SMAP1: variants seen among roughly 807,000 people sequenced by gnomAD.
The protein encoded by SMAP1 is stromal membrane-associated protein 1.
A neutral mutation model predicts 58.5 loss-of-function variants in SMAP1; 24 were observed. That is an observed-to-expected ratio of 0.41 (90% CI 0.30 to 0.58). The LOEUF (loss-of-function observed/expected upper bound fraction) is 0.58, where lower values mean the gene tolerates loss of function less well. Ranked by LOEUF, SMAP1 falls within the 20% of genes least tolerant of loss-of-function variation. SMAP1 has a pLI of 0.29. For missense variants in SMAP1, 563 were observed against 566.3 expected, an observed-to-expected ratio of 0.99 and a Z score of 0.06; for synonymous variants, 216 against 196.6, an observed-to-expected ratio of 1.10 and a Z score of -0.82.
chr6:70,833,695 A>T (rs1237899596), intron 6 of SMAP1, among the ~76,000 whole-genome samples: 1 of 152,216 alleles, frequency 6.6e-6, no homozygotes, highest in African/African-American at 2.4e-5. Context: ...TTGTGCTCAC[A>T]TGTGTGTGCA....
chr6:70,708,233 C>A (rs1438691540), intron 1 of SMAP1, among the ~76,000 whole-genome samples: 1 of 152,114 alleles, frequency 6.6e-6, no homozygotes, highest in Non-Finnish European at 1.5e-5. Flanking sequence ...CTTTCTATAT[C>A]TGGCTTATTT....
At chr6:70,857,808 G>C (rs952601727) in intron 9 of SMAP1, 114 bp from the exon 10 acceptor site, 22 of 1,188,162 alleles carry the variant, frequency 1.9e-5, no homozygotes, top group East Asian at 7.4e-5. Context: ...AGCCAAACTG[G>C]AATTAAAATG....
intron 1 of SMAP1, among the ~76,000 whole-genome samples, chr6:70,693,298 CTTTTTTTTT>C (rs55693339): frequency 9.1e-6 from 1 of 109,640 alleles, no homozygotes; most frequent in Non-Finnish European, 1.8e-5. Flanking sequence ...ATGTCATCTT[CTTTTTTTTT>C]TTTTTTTTTT....
At chr6:70,770,981 G>A (rs986504323) in intron 3 of SMAP1, among the ~76,000 whole-genome samples, 3 of 152,200 alleles carry the variant, frequency 2.0e-5, no homozygotes, top group Admixed American at 6.5e-5. Context: ...AGGACCCTCA[G>A]CTTCAGGTCT....
chr6:70,710,043 C>G (rs545153146), intron 1 of SMAP1, among the ~76,000 whole-genome samples: 8 of 152,196 alleles, frequency 5.3e-5, no homozygotes, highest in African/African-American at 1.7e-4. Context: ...AACTAGCTGT[C>G]TCTGTGTCTA....
In SMAP1 at chr6:70,860,431, T is replaced by G. The variant is rs1310113226; in HGVS notation, c.*97T>G. 3 of 1,414,056 alleles carry G rather than the reference T, an allele frequency of 2.1e-6. No individual in the cohort carries two copies. The highest frequency in any genetic ancestry group is 2.9e-5 in the African/African-American group (2 of 69,402). 87.6% of individuals were successfully genotyped at this position (1,414,056 alleles called of 1,614,324 possible). On this transcript the variant is annotated 3_prime_UTR_variant, in exon 11 of 11. Coordinates refer to ENST00000370455, the MANE Select transcript of SMAP1 (RefSeq NM_001044305.3). Reference sequence around the variant, plus strand: ...TTATTCATATGCATATTTTTTTTCTTTTTACCCATTTGTTCATATTAAGAA... The same window carrying G: ...TTATTCATATGCATATTTTTTTTCTGTTTACCCATTTGTTCATATTAAGAA...
At chr6:70,715,788 A>G (rs566549838) in intron 1 of SMAP1, among the ~76,000 whole-genome samples, 57 of 152,260 alleles carry the variant, frequency 3.7e-4, no homozygotes, top group African/African-American at 1.3e-3. Context: ...GTATTTGGTT[A>G]CATGAGTAAG....
At chr6:70,669,151 G>A (rs372578529) in intron 1 of SMAP1, among the ~76,000 whole-genome samples, 13 of 152,178 alleles carry the variant, frequency 8.5e-5, no homozygotes, top group African/African-American at 3.1e-4. Context: ...GTTAAGAAAA[G>A]ATCGTGTATA....
At chr6:70,833,714 AAAC>A (rs996032488) in intron 6 of SMAP1, among the ~76,000 whole-genome samples, 5 of 152,210 alleles carry the variant, frequency 3.3e-5, no homozygotes, top group African/African-American at 9.6e-5. Context: ...CAAATGTGCA[AAAC>A]AACAATCTGG....
At chr6:70,754,621 A>G (rs1005455771) in intron 2 of SMAP1, among the ~76,000 whole-genome samples, 1 of 152,194 alleles carries the variant, frequency 6.6e-6, no homozygotes, top group African/African-American at 2.4e-5. Context: ...AGCCCTGGAA[A>G]CGGGAGCATT....
At chr6:70,857,877 A>G in intron 9 of SMAP1, 45 bp from the exon 10 acceptor site, 1 of 1,584,292 alleles carries the variant, frequency 6.3e-7, no homozygotes, top group Non-Finnish European at 8.6e-7. Flanking sequence ...GAGTGCAACT[A>G]CACGTGATAG....
rs1767196360 is a variant in SMAP1 at position 70,769,907 on chromosome 6, T to G, written c.339-3443T>G. The stretch of plus-strand genomic sequence containing the variant: ...GGCTGGTACCGGTTGTTCCTTTCCA[T>G]GTTTAGTGCTTCCTTCAGGAGCTCT... On this transcript the variant is annotated intron_variant, in intron 3 of 10. Coordinates refer to ENST00000370455, the MANE Select transcript of SMAP1 (RefSeq NM_001044305.3). Among the ~76,000 whole-genome samples the G allele has an allele frequency of 2.0e-5, 3 of 151,936 alleles. No individual in the cohort carries two copies. In the South Asian group the frequency reaches 6.2e-4, roughly 32 times the overall value.
At chr6:70,779,896 A>C (rs1215842031) in intron 4 of SMAP1, among the ~76,000 whole-genome samples, 1 of 152,218 alleles carries the variant, frequency 6.6e-6, no homozygotes, top group African/African-American at 2.4e-5. Context: ...GTTTGACTGC[A>C]CAGAGACCAT....
intron 1 of SMAP1, among the ~76,000 whole-genome samples, chr6:70,707,112 C>T (rs1200168476): frequency 1.3e-5 from 2 of 151,962 alleles, no homozygotes; most frequent in Admixed American, 6.6e-5. Flanking sequence ...TAGTTTTATA[C>T]TATTAGAGTA....
intron 1 of SMAP1, among the ~76,000 whole-genome samples, chr6:70,683,165 CTTT>C (rs112629325): frequency 1.7e-5 from 2 of 114,538 alleles, no homozygotes; most frequent in East Asian, 2.4e-4. Context: ...TAAGATTTAA[CTTT>C]TTTTTTTTTT....
At chr6:70,741,512 A>G (rs943745370) in intron 2 of SMAP1, among the ~76,000 whole-genome samples, 1 of 152,134 alleles carries the variant, frequency 6.6e-6, no homozygotes, top group African/African-American at 2.4e-5. Context: ...CTCCACCCCT[A>G]TGGCTTTGCC....
intron 6 of SMAP1, among the ~76,000 whole-genome samples, chr6:70,827,181 A>G (rs1432433238): frequency 6.6e-6 from 1 of 152,134 alleles, no homozygotes; most frequent in African/African-American, 2.4e-5. Flanking sequence ...ACTGAACTTC[A>G]TTCTTTTCAG....
At chr6:70,773,021 C>T (rs1185055283) in intron 3 of SMAP1, 3 of 247,838 alleles carry the variant, frequency 1.2e-5, no homozygotes, top group African/African-American at 4.7e-5. Context: ...ATACCAAAAA[C>T]CCCAAATGAA....
At chr6:70,752,675 C>A (rs913660013) in intron 2 of SMAP1, among the ~76,000 whole-genome samples, 6 of 151,208 alleles carry the variant, frequency 4.0e-5, no homozygotes, top group African/African-American at 1.2e-4. Flanking sequence ...TTGTTTTTTT[C>A]CCCTGCCCTC....
Sources: gnomAD v4.1 joint callset for allele counts (sites outside exome capture counted in the v4.1 genomes callset) on GRCh38, gnomAD v4.1.1 for gene constraint, MANE v1.5 for transcripts, NCBI Gene and HGNC (gene_info 2026-07-23, HGNC 2026-07-21) for gene names.